LUZP2: variants seen among roughly 807,000 people sequenced by gnomAD.
The protein encoded by LUZP2 is leucine zipper protein 2.
In LUZP2, 52 loss-of-function variants were observed where a neutral mutation model predicts 51.6. The observed-to-expected ratio is 1.01, with a 90% confidence interval of 0.81 to 1.27. The LOEUF (loss-of-function observed/expected upper bound fraction) is 1.27. Ranked by LOEUF, LUZP2 falls within the 50% of genes most tolerant of loss-of-function variation. The pLI is 0.00. For synonymous variants in LUZP2, 154 were observed against 137.3 expected (o/e 1.12, Z -0.85); for missense variants, 436 against 395.4 (o/e 1.10, Z -0.87).
chr11:24,582,210 C>A (rs1852883363), intron 1 of LUZP2, among the ~76,000 whole-genome samples: 1 of 148,422 alleles, frequency 6.7e-6, no homozygotes, highest in Admixed American at 6.7e-5. Flanking sequence ...TAAAAATATT[C>A]TTTTTGCAAG....
At chr11:24,528,861 A>G (rs1229107613) in intron 1 of LUZP2, among the ~76,000 whole-genome samples, 1 of 151,246 alleles carries the variant, frequency 6.6e-6, no homozygotes, top group African/African-American at 2.4e-5. Flanking sequence ...TCAGTATAAA[A>G]TCCTGAAAGA....
At chr11:24,687,283 A>G (rs1381678035) in intron 1 of LUZP2, among the ~76,000 whole-genome samples, 1 of 152,206 alleles carries the variant, frequency 6.6e-6, no homozygotes, top group African/African-American at 2.4e-5. Flanking sequence ...CTGATGACTA[A>G]ATATACTTTT....
At chr11:24,604,801 T>C (rs1444785915) in intron 1 of LUZP2, among the ~76,000 whole-genome samples, 2 of 151,856 alleles carry the variant, frequency 1.3e-5, no homozygotes, top group Non-Finnish European at 2.9e-5. Flanking sequence ...TCTTCAAGAA[T>C]TCCAAGCACT....
chr11:24,654,989 A>G (rs1032728345), intron 1 of LUZP2, among the ~76,000 whole-genome samples: 2 of 152,164 alleles, frequency 1.3e-5, no homozygotes, highest in Non-Finnish European at 2.9e-5. Context: ...AATGAGCCAA[A>G]AAACATAAGT....
chr11:24,868,033 T>G (rs1851948542), intron 5 of LUZP2, among the ~76,000 whole-genome samples: 1 of 152,144 alleles, frequency 6.6e-6, no homozygotes, highest in Non-Finnish European at 1.5e-5. Context: ...ACAGCTCTCA[T>G]TAGACCTTGT....
rs150389809 is a variant in LUZP2, at chr11:25,021,245, CTTA to C, written c.766-28789_766-28787del. ...TGATGGGCAAGCATTCTCTCAGAGA[CTTA>C]TTAATCCAGGTTATATTCAAATGGT... On this transcript the variant is annotated intron_variant, in intron 9 of 11. Transcript: ENST00000336930. 4.5e-3 allele frequency among the ~76,000 whole-genome samples: 675 copies of C among 151,458 alleles called. 11 individuals carry two copies. Among genetic ancestry groups the C allele is most frequent in the African/African-American group, 0.015 (634 of 41,284 alleles).
intron 1 of LUZP2, among the ~76,000 whole-genome samples, chr11:24,514,777 A>G (rs1488573326): frequency 6.6e-6 from 1 of 152,170 alleles, no homozygotes; most frequent in African/African-American, 2.4e-5. Context: ...AATTCTCCCC[A>G]CTGGTGTTGA....
intron 1 of LUZP2, among the ~76,000 whole-genome samples, chr11:24,681,089 C>A (rs374944508): frequency 2.8e-4 from 43 of 151,978 alleles, no homozygotes; most frequent in African/African-American, 9.6e-4. Context: ...TCACGCCATT[C>A]TCCTGCCTCA....
At chr11:24,857,483 A>G (rs1165908023) in intron 5 of LUZP2, among the ~76,000 whole-genome samples, 1 of 151,644 alleles carries the variant, frequency 6.6e-6, no homozygotes, top group South Asian at 2.1e-4. Context: ...CAGTGCCACA[A>G]TATTTTAGTC....
At chr11:24,733,776 C>A (rs1355337389) in intron 3 of LUZP2, among the ~76,000 whole-genome samples, 1 of 151,100 alleles carries the variant, frequency 6.6e-6, no homozygotes, top group African/African-American at 2.4e-5. Flanking sequence ...TGAAAAGAGA[C>A]CAAGAGATGC....
At chr11:24,898,871 A>G (rs1364231077) in intron 5 of LUZP2, among the ~76,000 whole-genome samples, 2 of 152,154 alleles carry the variant, frequency 1.3e-5, no homozygotes, top group African/African-American at 2.4e-5. Flanking sequence ...ACAGTGTTCT[A>G]TTAGATGGGA....
chr11:24,874,852 A>G (rs1852194594), intron 5 of LUZP2, among the ~76,000 whole-genome samples: 1 of 152,108 alleles, frequency 6.6e-6, no homozygotes, highest in Non-Finnish European at 1.5e-5. Flanking sequence ...CTCAATTGGG[A>G]TGAGAAAAGA....
intron 1 of LUZP2, among the ~76,000 whole-genome samples, chr11:24,632,010 G>T (rs1237753353): frequency 1.3e-5 from 2 of 152,002 alleles, no homozygotes; most frequent in Non-Finnish European, 2.9e-5. Flanking sequence ...CAATCAAAAT[G>T]TAATATGGAT....
chr11:24,588,886 A>G (rs952270755), intron 1 of LUZP2, among the ~76,000 whole-genome samples: 8 of 152,082 alleles, frequency 5.3e-5, no homozygotes, highest in Non-Finnish European at 1.0e-4. Context: ...TTCATATTCC[A>G]TGTTATTCTT....
chr11:24,637,840 C>A (rs1250045629), intron 1 of LUZP2, among the ~76,000 whole-genome samples: 1 of 151,800 alleles, frequency 6.6e-6, no homozygotes, highest in Non-Finnish European at 1.5e-5. Flanking sequence ...CTAATTTTAC[C>A]TTTTGCCTTG....
chr11:24,946,195 T>C (rs1170589375), intron 7 of LUZP2, among the ~76,000 whole-genome samples: 1 of 152,078 alleles, frequency 6.6e-6, no homozygotes, highest in Non-Finnish European at 1.5e-5. Context: ...GTACACATCT[T>C]GTTCATCCGT....
chr11:24,768,052 C>T (rs920191876), intron 5 of LUZP2, among the ~76,000 whole-genome samples: 2 of 151,884 alleles, frequency 1.3e-5, no homozygotes, highest in Non-Finnish European at 1.5e-5. Flanking sequence ...AAGACAGGCT[C>T]AAAAATGAGT....
At chr11:24,682,175 G>C (rs1256812891) in intron 1 of LUZP2, among the ~76,000 whole-genome samples, 1 of 152,078 alleles carries the variant, frequency 6.6e-6, no homozygotes, top group South Asian at 2.1e-4. Context: ...GGTAAAGACT[G>C]TGCAACTAAT....
intron 1 of LUZP2, among the ~76,000 whole-genome samples, chr11:24,719,670 C>T (rs553417531): frequency 6.6e-6 from 1 of 152,322 alleles, no homozygotes; most frequent in South Asian, 2.1e-4. Context: ...AAGCTTTTCC[C>T]ATCAAGAAGT....
Sources: gnomAD v4.1 joint callset for allele counts (sites outside exome capture counted in the v4.1 genomes callset) on GRCh38, gnomAD v4.1.1 for gene constraint, MANE v1.5 for transcripts, NCBI Gene and HGNC (gene_info 2026-07-23, HGNC 2026-07-21) for gene names.